DMD: variants seen among roughly 807,000 people sequenced by gnomAD.
The protein encoded by DMD is mutant dystrophin.
DMD carries 63 observed loss-of-function variants against 330.1 expected under a neutral mutation model. The ratio of observed to expected loss-of-function variants is 0.19; its 90% CI spans 0.16 to 0.24. DMD has a LOEUF of 0.24. DMD is among the 10% of genes least tolerant of loss of function. The pLI is 1.00. For missense variants in DMD, 3,344 were observed against 2,684.1 expected (o/e 1.25, Z -5.43); for synonymous variants, 1,223 against 959.8 (o/e 1.27, Z -5.07).
Position 32,068,907 on chromosome X carries a change from C to T in DMD, c.6439-100393G>A, listed in dbSNP as rs375129610. 1.1e-4 allele frequency among the ~76,000 whole-genome samples: 12 copies of T among 111,048 alleles called. No individual in the cohort carries two copies. The East Asian group carries it at 2.3e-3, about 21-fold the overall frequency. On this transcript the variant is annotated intron_variant, in intron 44 of 78. Coordinates refer to ENST00000357033, the MANE Select transcript of DMD (RefSeq NM_004006.3). The stretch of plus-strand genomic sequence containing the variant: ...AGTAGAGATACAATGTTATAAATTC[C>T]GAATTGGAACATATTGACCTGACAA...
intron 44 of DMD, among the ~76,000 whole-genome samples, chrX:32,125,531 A>T (rs188899436): frequency 8.9e-6 from 1 of 111,818 alleles, no homozygotes. Context: ...GTATGTATAT[A>T]AGACTAGCAT....
chrX:32,428,488 C>A (rs1420846560), intron 29 of DMD, among the ~76,000 whole-genome samples: 1 of 112,012 alleles, frequency 8.9e-6, no homozygotes, highest in Non-Finnish European at 1.9e-5. Context: ...TAACTTTTGT[C>A]TGGTGTCTTG....
chrX:32,604,309 ATCT>A (rs2056489272), intron 12 of DMD, among the ~76,000 whole-genome samples: 1 of 110,785 alleles, frequency 9.0e-6, no homozygotes, highest in Non-Finnish European at 1.9e-5. Context: ...ACATATGATC[ATCT>A]CAATAGATGC....
chrX:33,258,829 A>G lies in DMD; in HGVS notation c.7+80430T>C, dbSNP rs1030207410. ...AATTGTCTTATGTAGTACATACTCA[A>G]TTAAAACTCATGCTGGAGCAGGACT... On this transcript the variant is annotated intron_variant, in intron 1 of 17. Coordinates refer to the DMD transcript ENST00000288447. Among the ~76,000 whole-genome samples the G allele has an allele frequency of 4.5e-5, 5 of 111,336 alleles. No homozygotes were observed. In the South Asian group the frequency reaches 1.8e-3, roughly 41 times the overall value.
chrX:32,077,618 T>C (rs1055828184), intron 44 of DMD, among the ~76,000 whole-genome samples: 1 of 111,440 alleles, frequency 9.0e-6, no homozygotes, highest in Non-Finnish European at 1.9e-5. Flanking sequence ...CTGTCTCAGC[T>C]TGCTGTGCCC....
chrX:31,434,516 CTTTCCTGACACATTTGTAATTATT>C (rs1569541972), intron 60 of DMD, among the ~76,000 whole-genome samples: 1 of 106,178 alleles, frequency 9.4e-6, no homozygotes, highest in Non-Finnish European at 1.9e-5. Flanking sequence ...CCTGTATTTT[CTTTCCTGACACATTTGTAATTATT>C]TTATGAGATT....
chrX:32,393,076 A>G (rs185274178), intron 30 of DMD, among the ~76,000 whole-genome samples: 100 of 112,507 alleles, frequency 8.9e-4, no homozygotes, highest in Non-Finnish European at 1.3e-3. Flanking sequence ...GCTATCATAA[A>G]TAACCAAAAC....
chrX:31,982,175 C>T (rs1219009711), intron 44 of DMD, among the ~76,000 whole-genome samples: 1 of 110,417 alleles, frequency 9.1e-6, no homozygotes, highest in Non-Finnish European at 1.9e-5. Context: ...ACTTAAAAAC[C>T]ACTTCTTTTT....
At chrX:32,867,616 A>C (rs1372061432) in intron 2 of DMD, among the ~76,000 whole-genome samples, 2 of 112,384 alleles carry the variant, frequency 1.8e-5, no homozygotes, top group Non-Finnish European at 3.8e-5. Context: ...AACATTTGCT[A>C]ATTGTAAACA....
chrX:31,861,944 T>TAC (rs750851260), intron 48 of DMD, among the ~76,000 whole-genome samples: 65 of 33,956 alleles, frequency 1.9e-3, no homozygotes, highest in African/African-American at 7.8e-3. Context: ...TAGAAAATAA[T>TAC]ATACACACAC....
chrX:31,511,235 T>TATATAATATAATATAATATGATATA (rs780455382), intron 55 of DMD, among the ~76,000 whole-genome samples: 1 of 102,688 alleles, frequency 9.7e-6, no homozygotes, highest in Admixed American at 1.1e-4. Context: ...ATATACATTA[T>TATATAATATAATATAATATGATATA]ACATAATATA....
chrX:33,140,785 A>G (rs191095419), intron 1 of DMD, among the ~76,000 whole-genome samples: 36 of 112,398 alleles, frequency 3.2e-4, no homozygotes, highest in African/African-American at 1.1e-3. Flanking sequence ...TATCCTGCAG[A>G]TGCTAATGGG....
At chrX:32,574,264 A>G (rs1462224137) in intron 13 of DMD, among the ~76,000 whole-genome samples, 1 of 112,179 alleles carries the variant, frequency 8.9e-6, no homozygotes, top group Non-Finnish European at 1.9e-5. Flanking sequence ...AATTGAAACA[A>G]TCTTGCATAA....
chrX:31,297,915 G>A (rs752132481), intron 62 of DMD, among the ~76,000 whole-genome samples: 17 of 112,283 alleles, frequency 1.5e-4, no homozygotes, highest in Non-Finnish European at 2.8e-4. Flanking sequence ...CAGAATCACT[G>A]GGTTACAGCC....
intron 9 of DMD, among the ~76,000 whole-genome samples, chrX:32,658,490 A>C (rs1208773740): frequency 9.0e-6 from 1 of 111,506 alleles, no homozygotes; most frequent in African/African-American, 3.3e-5. Context: ...ATAAACATGG[A>C]TGTGTTCCAA....
intron 1 of DMD, among the ~76,000 whole-genome samples, chrX:33,181,104 T>G (rs1295077261): frequency 9.0e-6 from 1 of 110,913 alleles, no homozygotes; most frequent in Non-Finnish European, 1.9e-5. Flanking sequence ...GATTAAGAAA[T>G]AGAGACCTAG....
At chrX:33,286,637 T>C (rs1194170033) in intron 1 of DMD, among the ~76,000 whole-genome samples, 1 of 112,161 alleles carries the variant, frequency 8.9e-6, no homozygotes, top group Non-Finnish European at 1.9e-5. Context: ...CATAATGTTG[T>C]TGTTGTGTAT....
At chrX:31,242,178 C>G (rs1254167753) in intron 63 of DMD, among the ~76,000 whole-genome samples, 1 of 103,530 alleles carries the variant, frequency 9.7e-6, no homozygotes, top group Non-Finnish European at 2.0e-5. Flanking sequence ...ATCACTTGAG[C>G]CCAGGAGGTT....
intron 74 of DMD, among the ~76,000 whole-genome samples, chrX:31,163,363 CCTT>C (rs1430533163): frequency 2.7e-5 from 3 of 111,613 alleles, no homozygotes; most frequent in East Asian, 5.6e-4. Flanking sequence ...CTTTCCTCCT[CCTT>C]CACCTTCTGC....
Sources: gnomAD v4.1 joint callset for allele counts (sites outside exome capture counted in the v4.1 genomes callset) on GRCh38, gnomAD v4.1.1 for gene constraint, MANE v1.5 for transcripts, NCBI Gene and HGNC (gene_info 2026-07-23, HGNC 2026-07-21) for gene names.